Variants in ATRN observed in about 807,000 individuals in gnomAD.
ATRN encodes the protein attractin.
Under a neutral mutation model 178.7 loss-of-function variants are expected in ATRN, and 54 were observed. The ratio of observed to expected loss-of-function variants is 0.30; its 90% CI spans 0.24 to 0.38. The LOEUF is 0.38. ATRN is among the 10% of genes least tolerant of loss of function. The pLI is 1.00. For synonymous variants in ATRN, 636 were observed against 663.0 expected (o/e 0.96, Z 0.63); for missense variants, 1,443 against 1,815.1 (o/e 0.79, Z 3.73).
chr20:3,480,650 C>T (rs1368349226), intron 1 of ATRN, among the ~76,000 whole-genome samples: 6 of 152,230 alleles, frequency 3.9e-5, no homozygotes, highest in Non-Finnish European at 7.4e-5. Context: ...TCAGTTAGGG[C>T]TTCTGTAACA....
intron 25 of ATRN, among the ~76,000 whole-genome samples, chr20:3,627,719 A>G (rs1261449008): frequency 6.6e-6 from 1 of 152,238 alleles, no homozygotes. Flanking sequence ...TGAAAATGAA[A>G]CAGATGGAAT....
chr20:3,559,501 T>C lies in ATRN; in HGVS notation c.1203+18T>C, dbSNP rs1295426790. On this transcript the variant is annotated intron_variant, in intron 7 of 28. Transcript: ENST00000262919. ...TATACAAGGTAAAGCATCTCCACTC[T>C]GTGCTAAGCAAGAAACTAAGTTTTC... 1.3e-6 allele frequency: 2 copies of C among 1,586,782 alleles called. No individual in the cohort carries two copies. The highest frequency in any genetic ancestry group is 1.3e-5 in the African/African-American group (1 of 74,474).
chr20:3,478,533 C>T (rs937306927), intron 1 of ATRN, among the ~76,000 whole-genome samples: 2 of 151,636 alleles, frequency 1.3e-5, no homozygotes, highest in South Asian at 2.1e-4. Context: ...CTGGGGCTTT[C>T]GGTGGGTAGG....
At chr20:3,507,358 G>T (rs931356661) in intron 1 of ATRN, among the ~76,000 whole-genome samples, 2 of 150,394 alleles carry the variant, frequency 1.3e-5, no homozygotes, top group Non-Finnish European at 2.9e-5. Context: ...GCGGTGAACC[G>T]AGATCGCGCC....
intron 1 of ATRN, among the ~76,000 whole-genome samples, chr20:3,486,542 A>G (rs238728): frequency 0.27 from 40,504 of 151,790 alleles, 5,954 homozygotes; most frequent in African/African-American, 0.33. Context: ...TGAGTAGTTG[A>G]AATTACAGTT....
chr20:3,505,397 T>G (rs1340141985), intron 1 of ATRN, among the ~76,000 whole-genome samples: 1 of 152,228 alleles, frequency 6.6e-6, no homozygotes, highest in Non-Finnish European at 1.5e-5. Context: ...GGGCTTGTCC[T>G]GCACTGTGCC....
chr20:3,629,627 C>T (rs1023758968), intron 25 of ATRN, among the ~76,000 whole-genome samples: 2 of 152,214 alleles, frequency 1.3e-5, no homozygotes, highest in African/African-American at 4.8e-5. Flanking sequence ...CCACTTCAGA[C>T]ACTAAGCACA....
intron 1 of ATRN, among the ~76,000 whole-genome samples, chr20:3,486,117 TGTCA>T (rs2084690496): frequency 6.6e-6 from 1 of 152,252 alleles, no homozygotes; most frequent in African/African-American, 2.4e-5. Context: ...CAAAGTCAGC[TGTCA>T]GTCTAATTCA....
intron 2 of ATRN, 67 bp downstream of exon 2, chr20:3,535,403 C>A: frequency 1.2e-6 from 1 of 819,054 alleles, no homozygotes; most frequent in South Asian, 2.6e-5. Context: ...ATTAGTTTTC[C>A]CACAAGTAAA....
intron 11 of ATRN, among the ~76,000 whole-genome samples, chr20:3,570,559 T>G (rs1426992532): frequency 6.6e-6 from 1 of 152,190 alleles, no homozygotes; most frequent in African/African-American, 2.4e-5. Context: ...TATGAACTCA[T>G]GGATTTAAAA....
intron 1 of ATRN, among the ~76,000 whole-genome samples, chr20:3,502,959 C>T (rs755886020): frequency 6.6e-6 from 1 of 152,120 alleles, no homozygotes; most frequent in Non-Finnish European, 1.5e-5. Context: ...ACCTCTTTGT[C>T]TCTGTGGGTT....
intron 2 of ATRN, among the ~76,000 whole-genome samples, chr20:3,535,685 G>A (rs2085521725): frequency 6.6e-6 from 1 of 151,958 alleles, no homozygotes; most frequent in African/African-American, 2.4e-5. Context: ...AGGCTGGAGT[G>A]CAGTGGCGTG....
chr20:3,526,899 C>A (rs1191228979), intron 1 of ATRN, among the ~76,000 whole-genome samples: 1 of 152,080 alleles, frequency 6.6e-6, no homozygotes, highest in African/African-American at 2.4e-5. Flanking sequence ...GAAACTGGAC[C>A]CCTTCCTTAT....
rs143526808 is a variant in ATRN at position 3,545,986 on chromosome 20, A to G, written c.737+96A>G. The G allele has an allele frequency of 3.6e-4, 480 of 1,343,306 alleles. 6 individuals are homozygous for G. In the East Asian group the frequency reaches 0.011, roughly 31 times the overall value. 83.2% of individuals were successfully genotyped at this position (1,343,306 alleles called of 1,614,324 possible). A position where few individuals can be genotyped will look rare whatever the true frequency, so the allele number is the denominator to read the frequency against. ...GGCTAACATAGATTGAGAGCCAGGC[A>G]TAGCGTCAGGCAGTTTACATGGATT... On this transcript the variant is annotated intron_variant, in intron 4 of 28. Transcript: ENST00000262919.
chr20:3,563,725 G>A (rs2085988775), intron 10 of ATRN, among the ~76,000 whole-genome samples: 1 of 152,074 alleles, frequency 6.6e-6, no homozygotes, highest in Non-Finnish European at 1.5e-5. Context: ...CTAGAAAACT[G>A]GTTTCTCACA....
At chr20:3,542,738 C>T (rs1371704862) in intron 3 of ATRN, among the ~76,000 whole-genome samples, 1 of 151,690 alleles carries the variant, frequency 6.6e-6, no homozygotes, top group Admixed American at 6.6e-5. Context: ...GAGATGCTCC[C>T]ACCTCAGCCT....
intron 2 of ATRN, among the ~76,000 whole-genome samples, chr20:3,535,888 C>G (rs1886593040): frequency 6.6e-6 from 1 of 152,044 alleles, no homozygotes; most frequent in African/African-American, 2.4e-5. Context: ...CCTCAGCCTT[C>G]CAAAGTGCTG....
At chr20:3,490,257 A>G in intron 1 of ATRN, 3 of 1,418,432 alleles carry the variant, frequency 2.1e-6, no homozygotes, top group East Asian at 2.3e-5. Context: ...AGAGAGGCCA[A>G]CTCCTCCCAG....
intron 4 of ATRN, 90 bp downstream of exon 4, chr20:3,545,980 C>T (rs2085695252): frequency 4.3e-6 from 6 of 1,400,888 alleles, no homozygotes; most frequent in Non-Finnish European, 6.0e-6. Flanking sequence ...AGATTGAGAG[C>T]CAGGCATAGC....
Sources: gnomAD v4.1 joint callset for allele counts (sites outside exome capture counted in the v4.1 genomes callset) on GRCh38, gnomAD v4.1.1 for gene constraint, MANE v1.5 for transcripts, NCBI Gene and HGNC (gene_info 2026-07-23, HGNC 2026-07-21) for gene names.